Variants in ABCC2 observed in about 807,000 individuals in gnomAD.
The protein encoded by ABCC2 is ATP binding cassette subfamily C member 2, also known as ATP-binding cassette sub-family C member 2.
A neutral mutation model predicts 173.4 loss-of-function variants in ABCC2; 157 were observed. The observed-to-expected ratio is 0.91, with a 90% CI of 0.80 to 1.03. The LOEUF (loss-of-function observed/expected upper bound fraction) is 1.03, where lower values mean the gene tolerates loss of function less well. ABCC2 is among the 50% of genes least tolerant of loss of function. The pLI is 0.00. For missense variants in ABCC2, 1,822 were observed against 1,852.3 expected (o/e 0.98, Z 0.30); for synonymous variants, 657 against 693.5 (o/e 0.95, Z 0.83).
At chr10:99,820,621 A>G (rs1291186877) in intron 19 of ABCC2, among the ~76,000 whole-genome samples, 1 of 152,128 alleles carries the variant, frequency 6.6e-6, no homozygotes, top group African/African-American at 2.4e-5. Flanking sequence ...AAAAATCTAA[A>G]TCAGGAAGTC....
At chr10:99,849,910 G>A (rs888276234) in intron 30 of ABCC2, among the ~76,000 whole-genome samples, 1 of 152,222 alleles carries the variant, frequency 6.6e-6, no homozygotes, top group Admixed American at 6.5e-5. Context: ...TGTTAGGTAA[G>A]AGGTCCAGCC....
chr10:99,783,611 A>C (rs970459069), intron 1 of ABCC2, among the ~76,000 whole-genome samples: 2 of 152,222 alleles, frequency 1.3e-5, no homozygotes, highest in African/African-American at 4.8e-5. Context: ...CACCTGGGGC[A>C]ATAAATGTAG....
At chr10:99,828,861 TAGTC>T (rs2038690293) in intron 19 of ABCC2, among the ~76,000 whole-genome samples, 1 of 151,932 alleles carries the variant, frequency 6.6e-6, no homozygotes, top group African/African-American at 2.4e-5. Context: ...CAGAGCCACA[TAGTC>T]AGCCGGAAGT....
In ABCC2 at chr10:99,784,763, A is replaced by G. The variant is rs41286890; in HGVS notation, c.189A>G (p.Lys63=). The G allele has an allele frequency of 1.6e-4, 266 of 1,613,618 alleles. No homozygotes were observed. Among genetic ancestry groups the G allele is most frequent in the Non-Finnish European group, 2.2e-4 (260 of 1,179,956 alleles). ...KSRTKRSSTT[K]LYLAKQVFVG... ...GGACCAAGAGATCCTCTACCACCAA[A>G]CTCTATCTTGCTAAGCAGGTAAAGT... is the stretch of plus-strand genomic sequence containing the variant. Residue 63 remains lysine, a synonymous_variant, in exon 2 of 32, where the codon AAA becomes AAG. Transcript: ENST00000647814.
At chr10:99,827,176 G>A (rs1265134944) in intron 19 of ABCC2, among the ~76,000 whole-genome samples, 1 of 152,258 alleles carries the variant, frequency 6.6e-6, no homozygotes, top group African/African-American at 2.4e-5. Flanking sequence ...TCGGCTGGCG[G>A]CCAGTATTGA....
At chr10:99,793,802 G>T (rs1325046311) in intron 4 of ABCC2, 90 bp from the exon 5 acceptor site, 8 of 1,569,944 alleles carry the variant, frequency 5.1e-6, no homozygotes, top group Non-Finnish European at 6.1e-6. Flanking sequence ...TTTGATCATA[G>T]GCTTTAATCA....
intron 19 of ABCC2, among the ~76,000 whole-genome samples, chr10:99,826,512 C>T (rs1035931487): frequency 2.0e-5 from 3 of 150,980 alleles, no homozygotes; most frequent in Non-Finnish European, 4.4e-5. Flanking sequence ...GGGGCAGGCG[C>T]TTCCTGGGTC....
chr10:99,819,222 A>G lies in ABCC2; in HGVS notation c.2573A>G (p.Asn858Ser). 2 of 1,614,166 alleles carry G rather than the reference A, an allele frequency of 1.2e-6. No individual in the cohort carries two copies. Among genetic ancestry groups the G allele is most frequent in the Non-Finnish European group, 1.7e-6 (2 of 1,180,030 alleles). ...GCCAAAAAAGGAGAGTTTGCTAAGAATCTGAAGACATTTCTAAGACATACA... is the reference window on the plus strand; with the variant it reads ...GCCAAAAAAGGAGAGTTTGCTAAGAGTCTGAAGACATTTCTAAGACATACA... ...LLAKKGEFAK[N>S]LKTFLRHTGP... The change falls in exon 19 of 32, where the codon AAT becomes AGT. Residue 858 changes from asparagine to serine, a missense_variant. Coordinates refer to ENST00000647814, the MANE Select transcript of ABCC2 (RefSeq NM_000392.5).
intron 17 of ABCC2, among the ~76,000 whole-genome samples, chr10:99,818,299 TAAAG>T (rs1564688286): frequency 6.6e-6 from 1 of 152,132 alleles, no homozygotes; most frequent in East Asian, 1.9e-4. Context: ...AACCTCTAAA[TAAAG>T]ACCCTGCATA....
chr10:99,811,422 A>G, intron 14 of ABCC2, 114 bp from the exon 15 acceptor site: 1 of 1,039,854 alleles, frequency 9.6e-7, no homozygotes, highest in South Asian at 1.3e-5. Flanking sequence ...CGTAGGAGCC[A>G]GCACTTAGCA....
chr10:99,784,807 A>G, intron 2 of ABCC2, 26 bp downstream of exon 2: 1 of 1,610,106 alleles, frequency 6.2e-7, no homozygotes, highest in Non-Finnish European at 8.5e-7. Flanking sequence ...CTGTTTCTGA[A>G]CTCTAATTCC....
Position 99,813,070 on chromosome 10 carries a change from G to A in ABCC2, c.2020G>A (p.Gly674Ser), listed in dbSNP as rs778892744. 77 of 1,613,882 alleles carry A rather than the reference G, an allele frequency of 4.8e-5. No individual in the cohort carries two copies. The highest frequency in any genetic ancestry group is 1.6e-4 in the Middle Eastern group (1 of 6,080). The change falls in exon 16 of 32, where the codon GGC (glycine) becomes AGC (serine). Residue 674 changes from glycine to serine, a missense_variant. Coordinates refer to ENST00000647814, the MANE Select transcript of ABCC2 (RefSeq NM_000392.5). ...ACTTGTGGCTGTGATAGGCCCTGTC[G>A]GCTCTGGGAAATCCTCCTTGATATC... ...GQLVAVIGPV[G>S]SGKSSLISAM...
At chr10:99,789,543 C>G (rs574961393) in intron 2 of ABCC2, 4 of 151,950 alleles carry the variant, frequency 2.6e-5, no homozygotes, top group African/African-American at 7.3e-5. Flanking sequence ...GGTGAAACCC[C>G]ATCTCTACTA....
In ABCC2 at chr10:99,844,442, T is replaced by G. The variant is rs1248525752; in HGVS notation, c.3964T>G (p.Cys1322Gly). The change falls in exon 28 of 32, where the codon TGT (cysteine) becomes GGT (glycine). Residue 1322 changes from cysteine (C) to glycine (G), a missense_variant. Cys to Gly is a radical substitution (Grantham distance 159). Coordinates refer to ENST00000647814, the MANE Select transcript of ABCC2 (RefSeq NM_000392.5). ...ELDLVLRGIT[C>G]DIGSMEKIGV... is the part of the protein sequence containing the mutation. ...GGATCTGGTCCTCAGAGGGATCACT[T>G]GTGACATCGGTAGCATGGAGAAGGT... 2 of 1,614,052 alleles carry G rather than the reference T, an allele frequency of 1.2e-6. No homozygotes were observed. Among genetic ancestry groups the G allele is most frequent in the Non-Finnish European group, 1.7e-6 (2 of 1,180,042 alleles).
intron 13 of ABCC2, among the ~76,000 whole-genome samples, chr10:99,808,590 A>G (rs1045104460): frequency 1.3e-5 from 2 of 152,106 alleles, no homozygotes; most frequent in African/African-American, 4.8e-5. Flanking sequence ...TTAGGCAAAT[A>G]TGGCCCAAAG....
At chr10:99,828,165 T>A (rs1326120925) in intron 19 of ABCC2, among the ~76,000 whole-genome samples, 1 of 151,376 alleles carries the variant, frequency 6.6e-6, no homozygotes, top group Non-Finnish European at 1.5e-5. Flanking sequence ...TGGATTCTGT[T>A]ATAAACCACT....
chr10:99,783,260 A>C (rs1354141189), intron 1 of ABCC2, among the ~76,000 whole-genome samples: 1 of 152,228 alleles, frequency 6.6e-6, no homozygotes, highest in East Asian at 1.9e-4. Context: ...GTTGATGTTG[A>C]AATGATAATG....
chr10:99,788,066 C>CA (rs59849924), intron 2 of ABCC2, among the ~76,000 whole-genome samples: 1,668 of 147,134 alleles, frequency 0.011, 33 homozygotes, highest in African/African-American at 0.038. Flanking sequence ...GACCCTGTCT[C>CA]AAAAAAAAAA....
At chr10:99,800,282 G>T (rs1590150224) in intron 8 of ABCC2, 104 bp from the exon 9 acceptor site, 2 of 1,231,092 alleles carry the variant, frequency 1.6e-6, no homozygotes, top group Non-Finnish European at 2.4e-6. Context: ...GGTCACTTTT[G>T]TTACCTACAG....
Sources: allele counts gnomAD v4.1 joint callset (sites outside exome capture counted in the v4.1 genomes callset), GRCh38; gene constraint gnomAD v4.1.1; transcripts MANE v1.5; gene names NCBI Gene and HGNC (gene_info 2026-07-23, HGNC 2026-07-21).